Variants in KCTD3 observed in about 807,000 individuals in gnomAD.
The protein encoded by KCTD3 is potassium channel tetramerization domain containing 3.
A neutral mutation model predicts 85.8 loss-of-function variants in KCTD3; 41 were observed. That is an observed-to-expected ratio of 0.48 (90% CI 0.37 to 0.62). KCTD3 has a LOEUF of 0.62. KCTD3 is among the 20% of genes least tolerant of loss of function. The probability of loss-of-function intolerance (pLI) is 0.00; values close to 1 mark genes in which losing one functional copy is unlikely to be tolerated. For synonymous variants in KCTD3, 338 were observed against 345.4 expected (o/e 0.98, Z 0.24); for missense variants, 724 against 989.9 (o/e 0.73, Z 3.60).
Position 215,579,930 on chromosome 1 carries a change from A to C in KCTD3, c.557A>C (p.Lys186Thr). ...VRLGFPVDPR[K>T]VLIVAGHHNW... ...ACAGGATTTCCTGTGGATCCACGAA[A>C]GGTGCTAATAGTAGCTGGCCATCAC... The change falls in exon 8 of 18, where the codon AAG becomes ACG. Residue 186 changes from lysine (K) to threonine (T), a missense_variant. Physicochemically the swap from Lys to Thr is moderately conservative, Grantham distance 78. This residue lies in a region of KCTD3 where 106 missense variants were observed against 98.2 expected (regional missense o/e 1.08). Coordinates refer to ENST00000259154, the MANE Select transcript of KCTD3 (RefSeq NM_016121.5). 1.2e-6 allele frequency: 2 copies of C among 1,613,326 alleles called. No homozygotes were observed. The highest frequency in any genetic ancestry group is 1.7e-6 in the Non-Finnish European group (2 of 1,179,214).
rs749335442 is a variant in KCTD3 at position 215,575,994 on chromosome 1, T to TAAA, written c.257+21_257+23dup. On this transcript the variant is annotated intron_variant, in intron 4 of 17. Transcript: ENST00000259154. ...CTTAAGGTAAGAAATGCACTCTTTT[T>TAAA]AAAGTAAATTCTTACTGATAAATAT... 1 of 1,184,446 alleles carries TAAA rather than the reference T, an allele frequency of 8.4e-7. No individual in the cohort carries two copies. The highest frequency in any genetic ancestry group is 2.2e-5 in the Admixed American group (1 of 45,106). 73.4% of individuals were successfully genotyped at this position (1,184,446 alleles called of 1,614,324 possible).
chr1:215,575,364 A>C (rs1009221078), intron 3 of KCTD3, among the ~76,000 whole-genome samples: 1 of 152,074 alleles, frequency 6.6e-6, no homozygotes, highest in African/African-American at 2.4e-5. Context: ...AATTGTCATT[A>C]CCTTTCCCCA....
chr1:215,584,278 T>C (rs940887523), intron 8 of KCTD3, among the ~76,000 whole-genome samples: 1 of 152,238 alleles, frequency 6.6e-6, no homozygotes, highest in Non-Finnish European at 1.5e-5. Context: ...ACAATTTTCC[T>C]ATTTTCAGTC....
intron 15 of KCTD3, among the ~76,000 whole-genome samples, chr1:215,617,773 C>A (rs1655511819): frequency 6.9e-6 from 1 of 145,148 alleles, no homozygotes; most frequent in South Asian, 2.1e-4. Context: ...TTACATTGTC[C>A]CACTATATAT....
intron 14 of KCTD3, among the ~76,000 whole-genome samples, chr1:215,609,814 A>G (rs1655161137): frequency 6.6e-6 from 1 of 151,946 alleles, no homozygotes; most frequent in Non-Finnish European, 1.5e-5. Context: ...ATTTTGAGTG[A>G]TGATGCATAT....
rs115518398 is a variant in KCTD3 at position 215,584,232 on chromosome 1, G to A, written c.627-2263G>A. Among the ~76,000 whole-genome samples, 1,506 of 152,248 alleles carry A rather than the reference G, an allele frequency of 9.9e-3. 17 individuals are homozygous for A. Among genetic ancestry groups the A allele is most frequent in the African/African-American group, 0.034 (1,401 of 41,544 alleles). ...GAAAGAACTCAAAAACTACTGATGA[G>A]ACAAATCTAATAAAAAGCATACCAT... is the stretch of plus-strand genomic sequence containing the variant. On this transcript the variant is annotated intron_variant, in intron 8 of 17. Coordinates refer to ENST00000259154, the MANE Select transcript of KCTD3 (RefSeq NM_016121.5).
chr1:215,613,145 G>A (rs945674926), intron 15 of KCTD3, among the ~76,000 whole-genome samples: 1 of 152,108 alleles, frequency 6.6e-6, no homozygotes, highest in African/African-American at 2.4e-5. Context: ...AAGTTACAGG[G>A]AAAAAGTTTT....
chr1:215,612,939 T>G (rs971935226), intron 15 of KCTD3, among the ~76,000 whole-genome samples: 1 of 152,048 alleles, frequency 6.6e-6, no homozygotes, highest in Non-Finnish European at 1.5e-5. Context: ...TGAGAACACA[T>G]GGACACATGG....
At chr1:215,614,888 A>G (rs1432685909) in intron 15 of KCTD3, among the ~76,000 whole-genome samples, 1 of 152,236 alleles carries the variant, frequency 6.6e-6, no homozygotes, top group African/African-American at 2.4e-5. Flanking sequence ...ATCAAATTGC[A>G]TAAATGACTG....
intron 15 of KCTD3, chr1:215,618,441 T>C (rs778761094): frequency 6.1e-6 from 1 of 164,908 alleles, no homozygotes; most frequent in Admixed American, 6.3e-5. Flanking sequence ...TACTGATTTT[T>C]CTTTTTTAAT....
rs543588602 is a variant in KCTD3 at position 215,568,783 on chromosome 1, C to G, written c.83+1015C>G. On this transcript the variant is annotated intron_variant, in intron 1 of 17. Coordinates refer to ENST00000259154, the MANE Select transcript of KCTD3 (RefSeq NM_016121.5). ...AAATGTCTACTGTAGTGCTTTAATC[C>G]TAAACATTTGATAGCTTTCTAGAAT... Among the ~76,000 whole-genome samples the G allele has an allele frequency of 2.0e-5, 3 of 152,134 alleles. No homozygotes were observed. In the South Asian group the frequency reaches 6.2e-4, roughly 32 times the overall value.
intron 10 of KCTD3, among the ~76,000 whole-genome samples, chr1:215,597,912 C>T (rs1654668653): frequency 1.3e-5 from 2 of 151,968 alleles, no homozygotes; most frequent in Admixed American, 6.6e-5. Context: ...TCAGTATTGT[C>T]TTGACTGCTG....
Position 215,601,886 on chromosome 1 carries a change from TA to T in KCTD3, c.955del (p.Thr319LeufsTer22). ...QHWQVQDVVP[I>X]TSYDTAGSFL... ...CATCAGGTTCAAGATGTTGTTCCTA[TA>T]ACTAGTTATGACACTGCTGGATCAT... On this transcript the variant is annotated frameshift_variant, in exon 11 of 18. Coordinates refer to ENST00000259154, the MANE Select transcript of KCTD3 (RefSeq NM_016121.5). LOFTEE classifies it high-confidence loss of function. The T allele has an allele frequency of 6.3e-7, 1 of 1,588,134 alleles. No homozygotes were observed. Among genetic ancestry groups the T allele is most frequent in the Non-Finnish European group, 8.6e-7 (1 of 1,157,350 alleles).
intron 14 of KCTD3, among the ~76,000 whole-genome samples, chr1:215,610,337 T>A (rs913432477): frequency 1.3e-5 from 2 of 151,928 alleles, no homozygotes; most frequent in African/African-American, 4.8e-5. Flanking sequence ...CATTTTTTTT[T>A]ATTCCTCCAA....
intron 1 of KCTD3, among the ~76,000 whole-genome samples, chr1:215,570,711 T>TAAATAA (rs1196532200): frequency 1.3e-5 from 2 of 152,222 alleles, no homozygotes; most frequent in Non-Finnish European, 1.5e-5. Flanking sequence ...CAGTGCAGAA[T>TAAATAA]AAATAACTAG....
chr1:215,570,978 A>G (rs1291673216), intron 1 of KCTD3, among the ~76,000 whole-genome samples: 1 of 152,312 alleles, frequency 6.6e-6, no homozygotes, highest in East Asian at 1.9e-4. Context: ...TTTAAAAAAA[A>G]ATTGGTGGGG....
At chr1:215,571,018 T>A (rs1416451152) in intron 1 of KCTD3, among the ~76,000 whole-genome samples, 4 of 152,160 alleles carry the variant, frequency 2.6e-5, no homozygotes, top group Non-Finnish European at 5.9e-5. Context: ...GCCCAGAAAT[T>A]CCAGGTTACT....
Position 215,620,756 on chromosome 1 carries a change from C to T in KCTD3, c.*138C>T, listed in dbSNP as rs1022452840. Reference sequence around the variant, plus strand: ...ATTTAGTATCTTTTTAACAGAATTACTTGGAATAATGAGATACAATAATCA... The same window carrying T: ...ATTTAGTATCTTTTTAACAGAATTATTTGGAATAATGAGATACAATAATCA... On this transcript the variant is annotated 3_prime_UTR_variant, in exon 18 of 18. Transcript: ENST00000259154. 4 of 602,398 alleles carry T rather than the reference C, an allele frequency of 6.6e-6. No individual in the cohort carries two copies. The highest frequency in any genetic ancestry group is 1.1e-5 in the Non-Finnish European group (4 of 357,280). The allele number at this position is 602,398 out of a possible 1,614,324, so 37.3% of individuals were successfully genotyped here. A position where few individuals can be genotyped will look rare whatever the true frequency, so the allele number is the denominator to read the frequency against.
At chr1:215,583,456 C>T (rs1659899123) in intron 8 of KCTD3, among the ~76,000 whole-genome samples, 1 of 152,188 alleles carries the variant, frequency 6.6e-6, no homozygotes, top group Admixed American at 6.5e-5. Flanking sequence ...CCAGAGGTCA[C>T]TTTTGTTGCC....
Sources: gnomAD v4.1 joint callset for allele counts (sites outside exome capture counted in the v4.1 genomes callset) on GRCh38, gnomAD v4.1.1 for gene constraint, gnomAD v4.1.1 regional missense constraint, MANE v1.5 for transcripts, NCBI Gene and HGNC (gene_info 2026-07-23, HGNC 2026-07-21) for gene names.